The following TTK variants were observed in gnomAD, a reference collection of about 807,000 sequenced individuals.
The protein encoded by TTK is dual specificity protein kinase TTK.
TTK carries 59 observed loss-of-function variants against 117.3 expected under a neutral mutation model. The ratio of observed to expected loss-of-function variants is 0.50; its 90% CI spans 0.41 to 0.62. The LOEUF is 0.62. Among genes scored for constraint, TTK ranks in the 20% least tolerant of loss-of-function variants. The pLI, the probability that TTK is intolerant of heterozygous loss-of-function variation, is 0.00. For missense variants in TTK, 921 were observed against 989.4 expected, an observed-to-expected ratio of 0.93 and a Z score of 0.93; for synonymous variants, 302 against 325.0, an observed-to-expected ratio of 0.93 and a Z score of 0.76.
intron 9 of TTK, among the ~76,000 whole-genome samples, chr6:80,013,791 G>T (rs1767230903): frequency 6.6e-6 from 1 of 151,932 alleles, no homozygotes; most frequent in Non-Finnish European, 1.5e-5. Context: ...AAATAATCCT[G>T]ACCTCCTGAC....
chr6:80,007,848 A>G lies in TTK; in HGVS notation c.179A>G (p.Asn60Ser), dbSNP rs759346384. The G allele has an allele frequency of 5.0e-6, 8 of 1,612,434 alleles. No homozygotes were observed. The Admixed American group carries it at 1.0e-4, about 20-fold the overall frequency. Residue 60 changes from asparagine to serine, a missense_variant, in exon 3 of 22, where the codon AAC becomes AGC. Transcript: ENST00000369798. ...GTTAACCAAATTATGATGATGGCAA[A>G]CAACCCAGAGGACTGGTTGAGTTTG... ...GTVNQIMMMA[N>S]NPEDWLSLLL...
chr6:80,006,874 A>G (rs1459467172), intron 2 of TTK, among the ~76,000 whole-genome samples: 21 of 152,182 alleles, frequency 1.4e-4, no homozygotes, highest in Admixed American at 1.4e-3. Flanking sequence ...AGTAGAAAGT[A>G]GAAACAAATT....
intron 17 of TTK, chr6:80,037,661 A>G (rs683167): frequency 0.62 from 101,239 of 162,986 alleles, 31,939 homozygotes; most frequent in Admixed American, 0.73. Flanking sequence ...CAGTATAATC[A>G]TAGAAAAAGC....
intron 4 of TTK, 119 bp downstream of exon 4, chr6:80,008,611 C>T (rs1306179558): frequency 1.2e-6 from 1 of 859,902 alleles, no homozygotes; most frequent in Non-Finnish European, 1.7e-6. Context: ...TAAAGTTGAT[C>T]AGATGAGAAT....
At chr6:80,011,050 A>G in intron 5 of TTK, 93 bp downstream of exon 5, 1 of 1,362,656 alleles carries the variant, frequency 7.3e-7, no homozygotes, top group African/African-American at 1.5e-5. Flanking sequence ...TTATTTATGT[A>G]GAATGGTTAA....
intron 14 of TTK, among the ~76,000 whole-genome samples, chr6:80,033,739 C>G (rs239588): frequency 0.62 from 93,941 of 151,994 alleles, 29,476 homozygotes; most frequent in Admixed American, 0.73. Flanking sequence ...TATTAACTTA[C>G]CAAAAATAAG....
At position 80,039,808 on chromosome 6, in the gene TTK, T is replaced by C. The variant is rs1444364339; in HGVS notation, c.2243T>C (p.Ile748Thr). ...INQISKLHAI[I>T]DPNHEIEFPD... is the part of the protein sequence containing the mutation. ...CAGATTTCTAAATTACATGCCATAATTGATCCTAATCATGAAATTGAATTT... is the reference window on the plus strand; with the variant it reads ...CAGATTTCTAAATTACATGCCATAACTGATCCTAATCATGAAATTGAATTT... Residue 748 changes from isoleucine (I) to threonine (T), a missense_variant, in exon 19 of 22, where the codon ATT becomes ACT. Coordinates refer to ENST00000369798, the MANE Select transcript of TTK (RefSeq NM_003318.5). The C allele has an allele frequency of 6.3e-7, 1 of 1,589,050 alleles. No homozygotes were observed. Among genetic ancestry groups the C allele is most frequent in the Non-Finnish European group, 8.6e-7 (1 of 1,169,056 alleles).
intron 9 of TTK, 45 bp from the exon 10 acceptor site, chr6:80,014,418 G>C: frequency 7.8e-6 from 12 of 1,540,612 alleles, no homozygotes; most frequent in Non-Finnish European, 1.1e-5. Context: ...CAGATTAGTA[G>C]TACTACTATT....
In TTK at chr6:80,007,982, C is replaced by T. The variant is rs1767041269; in HGVS notation, c.313C>T (p.Gln105Ter). 1.9e-6 allele frequency: 3 copies of T among 1,613,290 alleles called. No individual in the cohort carries two copies. The highest frequency in any genetic ancestry group is 2.5e-6 in the Non-Finnish European group (3 of 1,179,594). Reference protein sequence around the residue: ...IEALPPDKYGQNESFARIQVR... With the variant: ...IEALPPDKYG ...AGCGCTTCCCCCAGATAAATATGGC[C>T]AAAATGAGAGTTTTGCTAGAATTCA... The change falls in exon 3 of 22, where the codon CAA becomes TAA. Residue 105 changes from glutamine (Q) to a stop codon, truncating the protein, a stop_gained. Transcript: ENST00000369798. LOFTEE classifies it high-confidence loss of function.
intron 19 of TTK, 147 bp downstream of exon 19, chr6:80,040,019 T>G (rs1768004449): frequency 5.0e-6 from 5 of 997,746 alleles, no homozygotes; most frequent in Non-Finnish European, 6.9e-6. Context: ...TTTTAAAGCT[T>G]GTAAATACTT....
chr6:80,041,095 C>T (rs1389401466), intron 21 of TTK, among the ~76,000 whole-genome samples: 1 of 151,744 alleles, frequency 6.6e-6, no homozygotes, highest in Non-Finnish European at 1.5e-5. Flanking sequence ...AAGCTGTACA[C>T]AGCAATCAAC....
chr6:80,006,887 A>G (rs1164398340), intron 2 of TTK, among the ~76,000 whole-genome samples: 7 of 152,192 alleles, frequency 4.6e-5, no homozygotes, highest in African/African-American at 7.2e-5. Flanking sequence ...AACAAATTTT[A>G]TTTATAAAAG....
At chr6:80,039,139 A>C (rs1192547950) in intron 18 of TTK, among the ~76,000 whole-genome samples, 1 of 152,094 alleles carries the variant, frequency 6.6e-6, no homozygotes, top group Admixed American at 6.6e-5. Context: ...TAACTATTCT[A>C]TTTAAAAGAA....
intron 4 of TTK, among the ~76,000 whole-genome samples, chr6:80,010,252 C>CT (rs902918467): frequency 2.0e-5 from 3 of 151,884 alleles, no homozygotes; most frequent in African/African-American, 7.2e-5. Flanking sequence ...ATTCTGCATT[C>CT]TTTTTCAGGC....
Position 80,007,842 on chromosome 6 carries a change from T to C in TTK, c.173T>C (p.Met58Thr), listed in dbSNP as rs1218527440. 1 of 1,612,414 alleles carries C rather than the reference T, an allele frequency of 6.2e-7. No homozygotes were observed. Among genetic ancestry groups the C allele is most frequent in the East Asian group, 2.2e-5 (1 of 44,822 alleles). Residue 58 changes from methionine (M) to threonine (T), a missense_variant, in exon 3 of 22, where the codon ATG becomes ACG. Met to Thr is a moderately conservative substitution (Grantham distance 81, BLOSUM62 -1). Coordinates refer to ENST00000369798, the MANE Select transcript of TTK (RefSeq NM_003318.5). ...NSGTVNQIMM[M>T]ANNPEDWLSL... ...GGAACTGTTAACCAAATTATGATGA[T>C]GGCAAACAACCCAGAGGACTGGTTG...
Position 80,035,110 on chromosome 6 carries a change from A to G in TTK, c.1740A>G (p.Gln580=). Residue 580 remains glutamine (Q), a synonymous_variant, in exon 15 of 22, where the codon CAA becomes CAG. Transcript: ENST00000369798. ...NEIAYLNKLQ[Q]HSDKIIRLYD... The stretch of plus-strand genomic sequence containing the variant: ...TAGCTTATTTGAATAAACTACAACA[A>G]CACAGTGATAAGATCATCCGACTTT... 6.3e-7 allele frequency: 1 copy of G among 1,583,652 alleles called. No homozygotes were observed. Among genetic ancestry groups the G allele is most frequent in the Non-Finnish European group, 8.5e-7 (1 of 1,170,676 alleles).
At chr6:80,009,944 A>G (rs1767099485) in intron 4 of TTK, among the ~76,000 whole-genome samples, 1 of 152,098 alleles carries the variant, frequency 6.6e-6, no homozygotes, top group Admixed American at 6.6e-5. Flanking sequence ...TTCTTGTGCT[A>G]AAATACACAA....
Position 80,010,893 on chromosome 6 carries a change from C to T in TTK, c.549C>T (p.Ala183=), listed in dbSNP as rs1469111150. 4 of 1,611,916 alleles carry T rather than the reference C, an allele frequency of 2.5e-6. No individual in the cohort carries two copies. Among genetic ancestry groups the T allele is most frequent in the East Asian group, 2.2e-5 (1 of 44,808 alleles). Reference sequence around the variant, plus strand: ...TACCACTAGAAATGCTGGAAATTGCCCTGCGGAATTTAAACCTCCAAAAAA... The same window carrying T: ...TACCACTAGAAATGCTGGAAATTGCTCTGCGGAATTTAAACCTCCAAAAAA... ...GAVPLEMLEI[A]LRNLNLQKKQ... The change falls in exon 5 of 22, where the codon GCC becomes GCT. Residue 183 remains alanine, a synonymous_variant. Coordinates refer to ENST00000369798, the MANE Select transcript of TTK (RefSeq NM_003318.5).
chr6:80,040,235 C>G lies in TTK; in HGVS notation c.2347C>G (p.Pro783Ala), dbSNP rs945237871. ...GGACCCAAAACAGAGGATATCCATT[C>G]CTGAGCTCCTGGCTCATCCATATGT... Reference protein sequence around the residue: ...KRDPKQRISIPELLAHPYVQI... With the variant: ...KRDPKQRISIAELLAHPYVQI... The change falls in exon 20 of 22, where the codon CCT (proline) becomes GCT (alanine). Residue 783 changes from proline to alanine, a missense_variant. Coordinates refer to ENST00000369798, the MANE Select transcript of TTK (RefSeq NM_003318.5). 1.0e-5 allele frequency: 16 copies of G among 1,592,458 alleles called. No individual in the cohort carries two copies. Among genetic ancestry groups the G allele is most frequent in the Admixed American group, 1.7e-5 (1 of 57,244 alleles).
Sources: allele counts gnomAD v4.1 joint callset (sites outside exome capture counted in the v4.1 genomes callset), GRCh38; gene constraint gnomAD v4.1.1; transcripts MANE v1.5; gene names NCBI Gene and HGNC (gene_info 2026-07-23, HGNC 2026-07-21).